SLC19A1: variants seen among roughly 807,000 people sequenced by gnomAD.
SLC19A1 encodes the protein solute carrier family 19 member 1.
In SLC19A1, 37 loss-of-function variants were observed where a neutral mutation model predicts 35.3. The ratio of observed to expected loss-of-function variants is 1.05; its 90% CI spans 0.81 to 1.38. SLC19A1 has a LOEUF of 1.38. Among genes scored for constraint, SLC19A1 ranks in the 40% most tolerant of loss-of-function variants. SLC19A1 has a pLI of 0.00. For synonymous variants in SLC19A1, 460 were observed against 398.5 expected (o/e 1.15, Z -1.84); for missense variants, 831 against 826.9 (o/e 1.00, Z -0.06).
chr21:45,550,770 G>A (rs912939722), intron 1 of SLC19A1, among the ~76,000 whole-genome samples: 6 of 152,122 alleles, frequency 3.9e-5, no homozygotes, highest in East Asian at 1.9e-4. Flanking sequence ...GTGCAGGGGC[G>A]TGCAGTCTGC....
intron 1 of SLC19A1, among the ~76,000 whole-genome samples, chr21:45,552,660 G>A (rs1453151934): frequency 1.3e-5 from 2 of 151,242 alleles, no homozygotes; most frequent in African/African-American, 2.4e-5. Flanking sequence ...CCAGCAGAGA[G>A]GGGCTGGTCT....
At chr21:45,549,518 G>A (rs1294654836) in intron 1 of SLC19A1, among the ~76,000 whole-genome samples, 5 of 150,192 alleles carry the variant, frequency 3.3e-5, no homozygotes, top group Non-Finnish European at 7.4e-5. Context: ...GAAGCAAGTC[G>A]AATGCTCCAA....
intron 5 of SLC19A1, among the ~76,000 whole-genome samples, chr21:45,525,010 C>T (rs1421610034): frequency 2.6e-5 from 4 of 152,236 alleles, no homozygotes; most frequent in African/African-American, 4.8e-5. Context: ...GAATGCATTT[C>T]GATGAGTGAG....
At chr21:45,552,742 A>G (rs1392423097) in intron 1 of SLC19A1, among the ~76,000 whole-genome samples, 1 of 151,914 alleles carries the variant, frequency 6.6e-6, no homozygotes, top group East Asian at 1.9e-4. Context: ...CCAGACCCCT[A>G]ATGCGGAGCC....
intron 5 of SLC19A1, among the ~76,000 whole-genome samples, chr21:45,523,269 G>A (rs1471830040): frequency 6.6e-6 from 1 of 152,152 alleles, no homozygotes; most frequent in Non-Finnish European, 1.5e-5. Flanking sequence ...GACCCAACAG[G>A]ATGTCCAGCC....
intron 3 of SLC19A1, chr21:45,505,300 C>A: frequency 6.2e-7 from 1 of 1,606,028 alleles, no homozygotes; most frequent in East Asian, 2.2e-5. Context: ...GGGAGTGGGC[C>A]CCGGGCAGAG....
chr21:45,555,144 G>A (rs2078531536), intron 1 of SLC19A1, among the ~76,000 whole-genome samples: 1 of 124,506 alleles, frequency 8.0e-6, no homozygotes, highest in African/African-American at 3.3e-5. Flanking sequence ...GACGCAGGGG[G>A]CGGTGCAGGG....
In SLC19A1 at chr21:45,515,197, A is replaced by G; in HGVS notation, c.*461T>C. 2.0e-6 allele frequency: 3 copies of G among 1,519,916 alleles called. No homozygotes were observed. The highest frequency in any genetic ancestry group is 2.6e-6 in the Non-Finnish European group (3 of 1,140,418). 94.2% of individuals were successfully genotyped at this position (1,519,916 alleles called of 1,614,324 possible). On this transcript the variant is annotated 3_prime_UTR_variant, in exon 6 of 6. Transcript: ENST00000311124. Reference sequence around the variant, plus strand: ...AAAAAGCATCTTTCAAAAAAGCAAGAGCACCAAGGATGACCAGCAATGTCA... The same window carrying G: ...AAAAAGCATCTTTCAAAAAAGCAAGGGCACCAAGGATGACCAGCAATGTCA...
At chr21:45,521,451 T>C (rs1259175188) in intron 5 of SLC19A1, among the ~76,000 whole-genome samples, 2 of 152,244 alleles carry the variant, frequency 1.3e-5, no homozygotes, top group South Asian at 2.1e-4. Flanking sequence ...CCAAAATTGA[T>C]ACACTGGCTT....
chr21:45,504,891 C>G (rs3753020), intron 3 of SLC19A1, among the ~76,000 whole-genome samples: 61,509 of 151,658 alleles, frequency 0.41, 13,791 homozygotes, highest in African/African-American at 0.6. Context: ...TGGGCCCCAG[C>G]TACTGCCTGG....
At position 45,525,680 on chromosome 21, in the gene SLC19A1, C is replaced by T. The variant is rs893488634; in HGVS notation, c.1293+137G>A. ...TCCTGCTCTCGCTGGCCTGGTGTGTCCCACTGGAAGCCCCAGGCCCGCACC... is the reference window on the plus strand; with the variant it reads ...TCCTGCTCTCGCTGGCCTGGTGTGTTCCACTGGAAGCCCCAGGCCCGCACC... On this transcript the variant is annotated intron_variant, in intron 5 of 5. Coordinates refer to ENST00000311124, the MANE Select transcript of SLC19A1 (RefSeq NM_194255.4). The T allele has an allele frequency of 6.6e-6, 6 of 914,622 alleles. No individual in the cohort carries two copies. In the African/African-American group the frequency reaches 8.3e-5, roughly 13 times the overall value. The allele number at this position is 914,622 out of a possible 1,614,324, so 56.7% of individuals were successfully genotyped here.
chr21:45,547,023 G>T (rs917946168), upstream of SLC19A1, among the ~76,000 whole-genome samples: 1 of 152,158 alleles, frequency 6.6e-6, no homozygotes, highest in Non-Finnish European at 1.5e-5. Flanking sequence ...AGAAATAAGG[G>T]CATTTAGCAA....
Position 45,540,679 on chromosome 21 carries a change from G to A in SLC19A1, c.-50+1689C>T, listed in dbSNP as rs539783926. Among the ~76,000 whole-genome samples, 2 of 152,330 alleles carry A rather than the reference G, an allele frequency of 1.3e-5. No homozygotes were observed. The highest frequency in any genetic ancestry group is 2.4e-5 in the African/African-American group (1 of 41,586). ...ATAGAAACGCAGCCCCAAGCCAGGG[G>A]ACGCCTAGACTCCAAGTGTCCAGAC... On this transcript the variant is annotated intron_variant, in intron 1 of 5. Coordinates refer to ENST00000311124, the MANE Select transcript of SLC19A1 (RefSeq NM_194255.4). This position sits in a 1 kb window ranked among gnomAD's most constrained non-coding sequence, Gnocchi z 5.5.
At chr21:45,550,886 TC>T (rs1441901585) in intron 1 of SLC19A1, among the ~76,000 whole-genome samples, 2 of 91,914 alleles carry the variant, frequency 2.2e-5, no homozygotes, top group Non-Finnish European at 4.2e-5. Context: ...CGCCTTTCTG[TC>T]CCCTTCCCTC....
chr21:45,555,142 G>C (rs1249409526), intron 1 of SLC19A1, among the ~76,000 whole-genome samples: 1 of 129,350 alleles, frequency 7.7e-6, no homozygotes, highest in Non-Finnish European at 1.6e-5. Context: ...GCGACGCAGG[G>C]GGCGGTGCAG....
chr21:45,559,941 A>G (rs1163157927), intron 1 of SLC19A1, among the ~76,000 whole-genome samples: 1 of 151,542 alleles, frequency 6.6e-6, no homozygotes, highest in South Asian at 2.1e-4. Context: ...ACCTCAGGCA[A>G]TCGGCCACAG....
At chr21:45,542,970 G>A (rs1035139248), upstream of SLC19A1, among the ~76,000 whole-genome samples, 1 of 151,968 alleles carries the variant, frequency 6.6e-6, no homozygotes, top group Non-Finnish European at 1.5e-5. Context: ...GACACGCACA[G>A]CCTGCTCTTG....
At chr21:45,510,454 C>T (rs1256979867), downstream of SLC19A1, among the ~76,000 whole-genome samples, 1 of 152,178 alleles carries the variant, frequency 6.6e-6, no homozygotes, top group Non-Finnish European at 1.5e-5. Context: ...GCCTCTGCAT[C>T]CCTGGGCACT....
At chr21:45,509,597 C>T (rs532834770), downstream of SLC19A1, 222 of 1,474,770 alleles carry the variant, frequency 1.5e-4, no homozygotes, top group South Asian at 7.6e-4. Flanking sequence ...GACTTCCAGC[C>T]GGTGGTGAGT....
Sources: gnomAD v4.1 joint callset for allele counts (sites outside exome capture counted in the v4.1 genomes callset) on GRCh38, gnomAD v4.1.1 for gene constraint, Gnocchi (gnomAD v3.1) non-coding constraint, MANE v1.5 for transcripts, NCBI Gene and HGNC (gene_info 2026-07-23, HGNC 2026-07-21) for gene names.